PLEKHA5: variants seen among roughly 807,000 people sequenced by gnomAD.
The protein encoded by PLEKHA5 is pleckstrin homology domain containing A5.
In PLEKHA5, 55 loss-of-function variants were observed where a neutral mutation model predicts 181.9. The observed-to-expected ratio is 0.30, with a 90% CI of 0.24 to 0.38. The LOEUF is 0.38. Among genes scored for constraint, PLEKHA5 ranks in the 10% least tolerant of loss-of-function variants. The pLI is 1.00. For missense variants in PLEKHA5, 1,432 were observed against 1,549.5 expected (o/e 0.92, Z 1.27); for synonymous variants, 535 against 529.4 (o/e 1.01, Z -0.15).
At chr12:19,295,366 T>C (rs1188765366) in intron 15 of PLEKHA5, among the ~76,000 whole-genome samples, 1 of 152,158 alleles carries the variant, frequency 6.6e-6, no homozygotes, top group Non-Finnish European at 1.5e-5. Context: ...TAACAGAATA[T>C]AATAGGGATG....
At chr12:19,160,791 A>G (rs1354029041) in intron 3 of PLEKHA5, among the ~76,000 whole-genome samples, 2 of 152,060 alleles carry the variant, frequency 1.3e-5, no homozygotes, top group Admixed American at 6.5e-5. Flanking sequence ...GGGTCAATGT[A>G]TGTTTTAGAT....
At chr12:19,364,537 C>T (rs774374847) in intron 29 of PLEKHA5, among the ~76,000 whole-genome samples, 2 of 152,068 alleles carry the variant, frequency 1.3e-5, no homozygotes, top group East Asian at 1.9e-4. Flanking sequence ...TGTGTCATTG[C>T]TTTGCTAGCC....
chr12:19,255,618 G>A (rs1214233191), intron 5 of PLEKHA5, among the ~76,000 whole-genome samples: 6 of 151,626 alleles, frequency 4.0e-5, no homozygotes, highest in Non-Finnish European at 7.4e-5. Context: ...TTTGTTAGGA[G>A]ATTATAAATG....
intron 3 of PLEKHA5, among the ~76,000 whole-genome samples, chr12:19,189,354 G>A (rs1038088245): frequency 1.3e-5 from 2 of 152,216 alleles, no homozygotes; most frequent in Non-Finnish European, 2.9e-5. Context: ...GATGAAGAAA[G>A]TGTCAGCAGA....
At chr12:19,203,578 A>G (rs1410269419) in intron 3 of PLEKHA5, among the ~76,000 whole-genome samples, 1 of 151,984 alleles carries the variant, frequency 6.6e-6, no homozygotes, top group Non-Finnish European at 1.5e-5. Flanking sequence ...CATTTCAGAA[A>G]GTTCACCCCT....
At chr12:19,348,310 T>C (rs2094436574) in intron 24 of PLEKHA5, 89 bp from the exon 25 acceptor site, 1 of 956,404 alleles carries the variant, frequency 1.0e-6, no homozygotes, top group African/African-American at 1.7e-5. Context: ...GCTACTAATG[T>C]TTAGAGTTTG....
intron 3 of PLEKHA5, among the ~76,000 whole-genome samples, chr12:19,155,965 G>A (rs181965644): frequency 5.3e-5 from 8 of 152,286 alleles, no homozygotes; most frequent in Non-Finnish European, 1.0e-4. Context: ...GATAGATTAA[G>A]CAGGCAAACC....
At chr12:19,289,974 G>A (rs969865120) in intron 13 of PLEKHA5, among the ~76,000 whole-genome samples, 1 of 151,338 alleles carries the variant, frequency 6.6e-6, no homozygotes, top group Admixed American at 6.6e-5. Context: ...ATGGAGTCTC[G>A]CCGTGTCGCC....
At chr12:19,257,682 C>A in intron 6 of PLEKHA5, 145 bp downstream of exon 6, 1 of 585,894 alleles carries the variant, frequency 1.7e-6, no homozygotes, top group Non-Finnish European at 3.0e-6. Context: ...GCTTGTTACC[C>A]CTGAAGAATA....
chr12:19,193,957 C>T (rs571734333), intron 3 of PLEKHA5, among the ~76,000 whole-genome samples: 79 of 151,954 alleles, frequency 5.2e-4, no homozygotes, highest in African/African-American at 1.8e-3. Flanking sequence ...CTTTTAACAA[C>T]CAGATCTCAT....
chr12:19,176,861 C>T (rs779273872), intron 3 of PLEKHA5, among the ~76,000 whole-genome samples: 1 of 151,938 alleles, frequency 6.6e-6, no homozygotes, highest in African/African-American at 2.4e-5. Flanking sequence ...CATTACCTCA[C>T]ATATTTATCT....
chr12:19,317,921 CT>C (rs71064082), intron 16 of PLEKHA5, among the ~76,000 whole-genome samples: 877 of 67,534 alleles, frequency 0.013, 2 homozygotes, highest in African/African-American at 0.043. Context: ...CAAACCAAAC[CT>C]TTTTTTTTTT....
chr12:19,289,337 G>A (rs948058803), intron 13 of PLEKHA5, among the ~76,000 whole-genome samples: 1 of 152,160 alleles, frequency 6.6e-6, no homozygotes, highest in Admixed American at 6.5e-5. Context: ...TTTGGATAAT[G>A]GTTAAAAATG....
chr12:19,300,252 C>T (rs1432307080), intron 15 of PLEKHA5, among the ~76,000 whole-genome samples: 2 of 152,162 alleles, frequency 1.3e-5, no homozygotes, highest in Non-Finnish European at 2.9e-5. Flanking sequence ...ATTTTAACTT[C>T]TTTCAAAGTT....
intron 3 of PLEKHA5, chr12:19,207,404 G>T (rs1157712490): frequency 6.6e-6 from 1 of 152,048 alleles, no homozygotes; most frequent in African/African-American, 2.4e-5. Flanking sequence ...AATGGCAAGG[G>T]TGTCTTTGCC....
At chr12:19,291,513 G>T (rs896454964) in intron 14 of PLEKHA5, 131 bp from the exon 15 acceptor site, 1 of 529,344 alleles carries the variant, frequency 1.9e-6, no homozygotes, top group Admixed American at 3.6e-5. Flanking sequence ...GAGCATGTGC[G>T]TGAAAGTTGT....
chr12:19,178,958 T>C (rs777564815), intron 3 of PLEKHA5, among the ~76,000 whole-genome samples: 1 of 152,230 alleles, frequency 6.6e-6, no homozygotes, highest in African/African-American at 2.4e-5. Context: ...GTTGGTTTAT[T>C]CTACTTGGGA....
At chr12:19,367,005 C>T (rs2095440872) in intron 30 of PLEKHA5, among the ~76,000 whole-genome samples, 1 of 152,064 alleles carries the variant, frequency 6.6e-6, no homozygotes, top group Admixed American at 6.6e-5. Context: ...GCAACCTCTG[C>T]CTCCCTAGTA....
At chr12:19,166,983 A>G (rs1294837953) in intron 3 of PLEKHA5, among the ~76,000 whole-genome samples, 2 of 152,228 alleles carry the variant, frequency 1.3e-5, no homozygotes, top group Non-Finnish European at 2.9e-5. Flanking sequence ...CACTAAACAT[A>G]TATTCGAGAC....
Sources: allele counts gnomAD v4.1 joint callset (sites outside exome capture counted in the v4.1 genomes callset), GRCh38; gene constraint gnomAD v4.1.1; transcripts MANE v1.5; gene names NCBI Gene and HGNC (gene_info 2026-07-23, HGNC 2026-07-21).